The following LRRC4C variants were observed in gnomAD, a reference collection of about 807,000 sequenced individuals.
LRRC4C encodes the protein leucine rich repeat containing 4C.
In LRRC4C, 5 loss-of-function variants were observed where a neutral mutation model predicts 33.6. That is an observed-to-expected ratio of 0.15 (90% confidence interval 0.08 to 0.31). LRRC4C has a LOEUF of 0.31. Ranked by LOEUF, LRRC4C falls within the 10% of genes least tolerant of loss-of-function variation. LRRC4C has a pLI of 1.00. For synonymous variants in LRRC4C, 329 were observed against 302.0 expected, an observed-to-expected ratio of 1.09 and a Z score of -0.93; for missense variants, 560 against 796.7, an observed-to-expected ratio of 0.70 and a Z score of 3.58.
intron 1 of LRRC4C, among the ~76,000 whole-genome samples, chr11:40,985,965 A>C (rs942510986): frequency 2.0e-5 from 3 of 152,014 alleles, no homozygotes; most frequent in Non-Finnish European, 4.4e-5. Context: ...TACATATATA[A>C]TTTTTATTAT....
chr11:40,364,537 A>G (rs1948119662), intron 3 of LRRC4C, among the ~76,000 whole-genome samples: 1 of 152,102 alleles, frequency 6.6e-6, no homozygotes, highest in Admixed American at 6.6e-5. Flanking sequence ...ATTCACATTA[A>G]AAAGACTAAA....
At position 40,898,008 on chromosome 11, in the gene LRRC4C, T is replaced by A. The variant is rs117626949; in HGVS notation, c.-407+35627A>T. ...TAATTTTAAAATTTCATTAAATATT[T>A]CATAAGCTTATAAAATAGGTCTACA... is the stretch of plus-strand genomic sequence containing the variant. On this transcript the variant is annotated intron_variant, in intron 2 of 6. Coordinates refer to ENST00000528697, the MANE Select transcript of LRRC4C (RefSeq NM_001258419.2). 4.6e-3 allele frequency among the ~76,000 whole-genome samples: 699 copies of A among 152,266 alleles called. 5 individuals carry two copies. Among genetic ancestry groups the A allele is most frequent in the Middle Eastern group, 0.01 (3 of 294 alleles).
At chr11:40,758,939 C>G (rs577082428) in intron 2 of LRRC4C, among the ~76,000 whole-genome samples, 22 of 151,732 alleles carry the variant, frequency 1.4e-4, no homozygotes, top group African/African-American at 4.6e-4. Context: ...TCAGTAACCA[C>G]TAATAATCAA....
intron 5 of LRRC4C, among the ~76,000 whole-genome samples, chr11:40,195,449 G>C (rs992783965): frequency 6.6e-6 from 1 of 152,128 alleles, no homozygotes; most frequent in Non-Finnish European, 1.5e-5. Flanking sequence ...ATTGGGGTGA[G>C]AGAAAAGAAG....
chr11:40,505,902 AT>A (rs11350107), intron 3 of LRRC4C, among the ~76,000 whole-genome samples: 85,653 of 151,644 alleles, frequency 0.56, 24,568 homozygotes, highest in East Asian at 0.81. Flanking sequence ...CCTGAAAATG[AT>A]TTTTTTTCTA....
At chr11:41,278,526 T>C (rs1166743561) in intron 1 of LRRC4C, among the ~76,000 whole-genome samples, 1 of 152,212 alleles carries the variant, frequency 6.6e-6, no homozygotes, top group African/African-American at 2.4e-5. Flanking sequence ...ATAAATAAAT[T>C]TGAAAAAATG....
At chr11:41,117,221 T>G (rs1164707228) in intron 1 of LRRC4C, among the ~76,000 whole-genome samples, 1 of 152,154 alleles carries the variant, frequency 6.6e-6, no homozygotes, top group African/African-American at 2.4e-5. Flanking sequence ...AGAACAGAAC[T>G]ACCCAGCTGA....
chr11:40,721,923 C>T lies in LRRC4C; in HGVS notation c.-406-73645G>A, dbSNP rs575523743. ...GCCACTGCACTCCATCCAGCCTGGG[C>T]GACAGAGCGACACTCCCTCTCAAAA... On this transcript the variant is annotated intron_variant, in intron 2 of 6. Coordinates refer to ENST00000528697, the MANE Select transcript of LRRC4C (RefSeq NM_001258419.2). Among the ~76,000 whole-genome samples, 8 of 152,046 alleles carry T rather than the reference C, an allele frequency of 5.3e-5. No homozygotes were observed. In the South Asian group the frequency reaches 1.7e-3, roughly 32 times the overall value.
At chr11:41,211,370 T>C (rs921009242) in intron 1 of LRRC4C, among the ~76,000 whole-genome samples, 3 of 152,154 alleles carry the variant, frequency 2.0e-5, no homozygotes, top group Non-Finnish European at 2.9e-5. Context: ...AGGGTACATG[T>C]GCACAACTTG....
At chr11:40,517,042 A>G (rs929108200) in intron 3 of LRRC4C, among the ~76,000 whole-genome samples, 1 of 152,128 alleles carries the variant, frequency 6.6e-6, no homozygotes, top group African/African-American at 2.4e-5. Flanking sequence ...GTCAGTTCCT[A>G]TTCATACTGG....
chr11:40,935,708 T>A (rs1957850182), intron 1 of LRRC4C, among the ~76,000 whole-genome samples: 1 of 151,986 alleles, frequency 6.6e-6, no homozygotes, highest in African/African-American at 2.4e-5. Context: ...TGACACATAT[T>A]TTTAGAATGT....
chr11:40,954,917 C>G (rs1395117988), intron 1 of LRRC4C, among the ~76,000 whole-genome samples: 1 of 151,746 alleles, frequency 6.6e-6, no homozygotes, highest in East Asian at 1.9e-4. Flanking sequence ...CATCTTGATC[C>G]CCAGAGACTG....
In LRRC4C at chr11:40,331,082, G is replaced by A. The variant is rs142888139; in HGVS notation, c.-269-11361C>T. 2.2e-3 allele frequency among the ~76,000 whole-genome samples: 340 copies of A among 152,222 alleles called. 1 individual carries two copies. The highest frequency in any genetic ancestry group is 4.2e-3 in the Non-Finnish European group (283 of 68,006). On this transcript the variant is annotated intron_variant, in intron 3 of 6. Coordinates refer to ENST00000528697, the MANE Select transcript of LRRC4C (RefSeq NM_001258419.2). ...AGTGAGAACATGTGATACTTACTGT[G>A]TCTCACCCCAGTTAGAGTGACTATT...
intron 2 of LRRC4C, among the ~76,000 whole-genome samples, chr11:40,657,830 T>C (rs1251350033): frequency 6.6e-6 from 1 of 152,208 alleles, no homozygotes; most frequent in East Asian, 1.9e-4. Context: ...CTAAATTAAC[T>C]GAGACCTGCC....
chr11:40,298,861 T>C (rs185873158), intron 4 of LRRC4C, among the ~76,000 whole-genome samples: 1 of 152,038 alleles, frequency 6.6e-6, no homozygotes, highest in East Asian at 1.9e-4. Flanking sequence ...TCAGCAGATC[T>C]CCTGAGAACT....
At chr11:40,146,777 C>A (rs1857766649) in intron 5 of LRRC4C, among the ~76,000 whole-genome samples, 1 of 152,124 alleles carries the variant, frequency 6.6e-6, no homozygotes. Context: ...CTTAAACTGA[C>A]AATAAGGTAG....
intron 2 of LRRC4C, among the ~76,000 whole-genome samples, chr11:40,927,377 A>G (rs1957446472): frequency 6.6e-6 from 1 of 152,096 alleles, no homozygotes; most frequent in African/African-American, 2.4e-5. Context: ...CTCAAAAAAT[A>G]AAAAAATTAA....
chr11:40,900,246 G>A (rs191486384), intron 2 of LRRC4C, among the ~76,000 whole-genome samples: 3 of 152,044 alleles, frequency 2.0e-5, no homozygotes, highest in Admixed American at 2.0e-4. Flanking sequence ...AATGTGGCCA[G>A]TTGGAGCACC....
intron 3 of LRRC4C, among the ~76,000 whole-genome samples, chr11:40,357,300 T>C (rs1203288845): frequency 1.3e-5 from 2 of 152,134 alleles, no homozygotes; most frequent in Non-Finnish European, 2.9e-5. Context: ...TTTATAGCTC[T>C]GAGACTGGAG....
Sources: allele counts gnomAD v4.1 joint callset (sites outside exome capture counted in the v4.1 genomes callset), GRCh38; gene constraint gnomAD v4.1.1; transcripts MANE v1.5; gene names NCBI Gene and HGNC (gene_info 2026-07-23, HGNC 2026-07-21).